Variants in FANCB observed in about 807,000 individuals in gnomAD.
FANCB encodes the protein FA complementation group B, also known as Fanconi anemia group B protein.
In FANCB, 5 loss-of-function variants were observed where a neutral mutation model predicts 38.9. The observed-to-expected ratio is 0.13, with a 90% CI of 0.07 to 0.27. The LOEUF is 0.27. Among genes scored for constraint, FANCB ranks in the 10% least tolerant of loss-of-function variants. FANCB has a pLI of 1.00. For synonymous variants in FANCB, 236 were observed against 215.4 expected (o/e 1.10, Z -0.84); for missense variants, 573 against 602.7 (o/e 0.95, Z 0.52).
chrX:14,806,624 G>A, the FANCB span, among the ~76,000 whole-genome samples: 4 of 111,522 alleles, frequency 3.6e-5, no homozygotes, highest in African/African-American at 1.3e-4. Flanking sequence ...ACAACCTGAG[G>A]GATTGTGTCT....
the FANCB span, among the ~76,000 whole-genome samples, chrX:14,753,408 T>C: frequency 1.1e-4 from 12 of 112,741 alleles, no homozygotes; most frequent in Admixed American, 2.8e-4. Context: ...ATCTAGGTTA[T>C]ACGACTTATC....
the FANCB span, among the ~76,000 whole-genome samples, chrX:14,759,274 T>C: frequency 9.9e-5 from 11 of 111,479 alleles, no homozygotes; most frequent in African/African-American, 3.3e-4. Flanking sequence ...AGAAGAGAAA[T>C]GTAAAAGTTT....
At chrX:14,739,466 A>C in the FANCB span, among the ~76,000 whole-genome samples, 1 of 112,349 alleles carries the variant, frequency 8.9e-6, no homozygotes, top group Non-Finnish European at 1.9e-5. Flanking sequence ...ACACTAAGAA[A>C]AGAAAAACCT....
the FANCB span, among the ~76,000 whole-genome samples, chrX:14,806,319 G>A: frequency 3.6e-5 from 4 of 112,027 alleles, no homozygotes; most frequent in African/African-American, 6.5e-5. Context: ...TAGAGAACTC[G>A]AGTGCCTTTG....
chrX:14,867,127 GAATT>G (rs1417855151), intron 2 of FANCB, among the ~76,000 whole-genome samples: 1 of 111,490 alleles, frequency 9.0e-6, no homozygotes, highest in African/African-American at 3.3e-5. Flanking sequence ...TGGATTGGTA[GAATT>G]AATACTGTTA....
chrX:14,713,638 T>C, the FANCB span, among the ~76,000 whole-genome samples: 1 of 111,606 alleles, frequency 9.0e-6, no homozygotes, highest in African/African-American at 3.3e-5. Context: ...GAGTGAAAAA[T>C]ATATTTCACT....
chrX:14,787,876 AATATATATATATATATATATATAT>A, the FANCB span, among the ~76,000 whole-genome samples: 47 of 41,679 alleles, frequency 1.1e-3, no homozygotes, highest in South Asian at 3.4e-3. Flanking sequence ...TTAAAAATAG[AATATATATATATATATATATATAT>A]ATATATATAT....
rs761346761 is a variant in FANCB at position 14,865,312 on chromosome X, T to C, written c.199A>G (p.Ile67Val). ...FVQKSTGFFT[I>V]KEENSHLKIM... is the part of the protein sequence containing the mutation. ...TTTAAATGAGAGTTTTCTTCCTTTATGGTAAAAAATCCAGTGGACTTCTGA... is the reference window on the plus strand; with the variant it reads ...TTTAAATGAGAGTTTTCTTCCTTTACGGTAAAAAATCCAGTGGACTTCTGA... Residue 67 changes from isoleucine to valine, a missense_variant, in exon 3 of 10, where the codon ATA becomes GTA. Physicochemically the swap from Ile to Val is conservative, Grantham distance 29. Transcript: ENST00000650831. 34 of 1,168,081 alleles carry C rather than the reference T, an allele frequency of 2.9e-5. No individual in the cohort carries two copies. Among genetic ancestry groups the C allele is most frequent in the Admixed American group, 5.4e-5 (2 of 36,964 alleles).
chrX:14,726,963 G>C, the FANCB span, among the ~76,000 whole-genome samples: 276 of 110,595 alleles, frequency 2.5e-3, 1 homozygote, highest in African/African-American at 8.9e-3. Context: ...TAATTTGCAA[G>C]ATTCTGCAGA....
At chrX:14,806,913 AT>A in the FANCB span, among the ~76,000 whole-genome samples, 1 of 111,998 alleles carries the variant, frequency 8.9e-6, no homozygotes, top group Non-Finnish European at 1.9e-5. Flanking sequence ...ACTGGAATTT[AT>A]TTTCCAGATC....
chrX:14,712,797 A>C, the FANCB span, among the ~76,000 whole-genome samples: 1 of 111,494 alleles, frequency 9.0e-6, no homozygotes, highest in Non-Finnish European at 1.9e-5. Flanking sequence ...TCTAGGCACC[A>C]AAGTAAGATC....
At chrX:14,794,280 T>C in the FANCB span, among the ~76,000 whole-genome samples, 1 of 111,127 alleles carries the variant, frequency 9.0e-6, no homozygotes, top group African/African-American at 3.3e-5. Context: ...AAGGAAAGAA[T>C]GATGAAAGAT....
chrX:14,833,675 G>T (rs1328878251), downstream of FANCB, among the ~76,000 whole-genome samples: 2 of 12,981 alleles, frequency 1.5e-4, no homozygotes, highest in Non-Finnish European at 2.8e-4. Context: ...GGCTGGGTGT[G>T]GGGGGGGTTC....
the FANCB span, among the ~76,000 whole-genome samples, chrX:14,829,415 G>C: frequency 3.0e-3 from 338 of 111,244 alleles, 1 homozygote; most frequent in African/African-American, 1.0e-2. Context: ...CCTACCAAGA[G>C]AGTCAGCCTG....
At chrX:14,810,423 A>G in the FANCB span, among the ~76,000 whole-genome samples, 1 of 111,938 alleles carries the variant, frequency 8.9e-6, no homozygotes, top group Non-Finnish European at 1.9e-5. Flanking sequence ...TTTGAAAAAA[A>G]TTTAGACGAA....
the FANCB span, among the ~76,000 whole-genome samples, chrX:14,790,147 T>C: frequency 8.9e-6 from 1 of 112,176 alleles, no homozygotes; most frequent in African/African-American, 3.2e-5. Flanking sequence ...CCTGCCATTA[T>C]GGAGCTAACA....
At chrX:14,727,568 A>C in the FANCB span, among the ~76,000 whole-genome samples, 21 of 112,368 alleles carry the variant, frequency 1.9e-4, no homozygotes, top group Non-Finnish European at 3.4e-4. Context: ...CTAAGCACTG[A>C]GTAAGTCTTC....
chrX:14,731,121 A>G, the FANCB span: 1 of 112,094 alleles, frequency 8.9e-6, no homozygotes, highest in African/African-American at 3.3e-5. Context: ...TGGGTCGTAA[A>G]TTATTTCTAC....
At position 14,843,487 on chromosome X, in the gene FANCB, G is replaced by C; in HGVS notation, c.*80C>G. 2 of 642,446 alleles carry C rather than the reference G, an allele frequency of 3.1e-6. No homozygotes were observed. Among genetic ancestry groups the C allele is most frequent in the East Asian group, 3.5e-5 (1 of 28,181 alleles). The allele number at this position is 642,446 out of a possible 1,213,427, so 52.9% of individuals were successfully genotyped here. The stretch of plus-strand genomic sequence containing the variant: ...AAGCCTCGGTGTTTATTTTTACAAA[G>C]GAGGCATATAGCAAGTAGAACCAAA... On this transcript the variant is annotated 3_prime_UTR_variant, in exon 10 of 10. Coordinates refer to ENST00000650831, the MANE Select transcript of FANCB (RefSeq NM_001018113.3).
Sources: allele counts gnomAD v4.1 joint callset (sites outside exome capture counted in the v4.1 genomes callset), GRCh38; gene constraint gnomAD v4.1.1; transcripts MANE v1.5; gene names NCBI Gene and HGNC (gene_info 2026-07-23, HGNC 2026-07-21).